Variants in NBEA observed in about 807,000 individuals in gnomAD.
The protein encoded by NBEA is lysosomal-trafficking regulator 2.
Under a neutral mutation model 343.4 loss-of-function variants are expected in NBEA, and 44 were observed. The ratio of observed to expected loss-of-function variants is 0.13; its 90% CI spans 0.10 to 0.16. The LOEUF (loss-of-function observed/expected upper bound fraction) is 0.16. Among genes scored for constraint, NBEA ranks in the 10% least tolerant of loss-of-function variants. The pLI is 1.00. For missense variants in NBEA, 2,555 were observed against 3,631.3 expected (o/e 0.70, Z 7.62); for synonymous variants, 1,175 against 1,238.7 (o/e 0.95, Z 1.08).
chr13:35,562,550 A>T (rs1396341867), intron 44 of NBEA, among the ~76,000 whole-genome samples: 2 of 151,838 alleles, frequency 1.3e-5, no homozygotes, highest in Non-Finnish European at 2.9e-5. Context: ...TCCAACCCCA[A>T]CCTTTTTCTC....
intron 41 of NBEA, among the ~76,000 whole-genome samples, chr13:35,515,021 T>G (rs2152988875): frequency 6.6e-6 from 1 of 152,354 alleles, no homozygotes; most frequent in Middle Eastern, 3.4e-3. Flanking sequence ...AAGATGTCAC[T>G]GACAATAATC....
Position 35,155,854 on chromosome 13 carries a change from A to T in NBEA, c.2526A>T (p.Pro842=). ...EPDSTVKIQN[P]MILKVVATLL... is the part of the protein sequence containing the mutation. ...ATTCTACAGTGAAAATTCAGAATCC[A>T]AGTGAGCAAATGGCAGTTCTTTACT... Residue 842 remains proline, a splice_region_variant and synonymous_variant, in exon 19 of 59, where the codon CCA becomes CCT. Transcript: ENST00000379939. 6.2e-7 allele frequency: 1 copy of T among 1,609,416 alleles called. No homozygotes were observed.
chr13:35,311,596 G>A (rs1217517428), intron 36 of NBEA, among the ~76,000 whole-genome samples: 1 of 152,156 alleles, frequency 6.6e-6, no homozygotes, highest in Non-Finnish European at 1.5e-5. Context: ...GCTCACGCCT[G>A]TAATCCCAGC....
chr13:35,301,519 C>T lies in NBEA; in HGVS notation c.5839-8009C>T, dbSNP rs146952030. 4.0e-3 allele frequency among the ~76,000 whole-genome samples: 615 copies of T among 152,170 alleles called. 4 individuals carry two copies. The highest frequency in any genetic ancestry group is 0.014 in the African/African-American group (595 of 41,530). On this transcript the variant is annotated intron_variant, in intron 35 of 58. Transcript: ENST00000379939. ...CATGTTGCTGCAAAGGACGTGAACT[C>T]GTTCTTTTTTATGGCTGCATAGTAT...
chr13:35,297,871 A>G (rs2036239987), intron 35 of NBEA, among the ~76,000 whole-genome samples: 1 of 151,858 alleles, frequency 6.6e-6, no homozygotes, highest in Non-Finnish European at 1.5e-5. Flanking sequence ...TGCCATTTTT[A>G]CCATTTTAAG....
intron 1 of NBEA, among the ~76,000 whole-genome samples, chr13:35,017,410 G>A (rs1420309082): frequency 1.3e-5 from 2 of 152,128 alleles, no homozygotes; most frequent in South Asian, 2.1e-4. Context: ...TAAAGTGGCT[G>A]TGTCACTTTG....
intron 22 of NBEA, among the ~76,000 whole-genome samples, chr13:35,161,310 G>T (rs1047400766): frequency 1.3e-5 from 2 of 152,190 alleles, no homozygotes; most frequent in Admixed American, 1.3e-4. Flanking sequence ...AAGTGAAACA[G>T]ACTTCAAAGT....
At chr13:35,590,098 A>T (rs1671828786) in intron 46 of NBEA, among the ~76,000 whole-genome samples, 1 of 152,126 alleles carries the variant, frequency 6.6e-6, no homozygotes, top group African/African-American at 2.4e-5. Context: ...GGTAGTAGGC[A>T]AATAAATATA....
Position 35,048,691 on chromosome 13 carries a change from A to G in NBEA, c.845+7A>G. 7.9e-7 allele frequency: 1 copy of G among 1,266,208 alleles called. No individual in the cohort carries two copies. The highest frequency in any genetic ancestry group is 1.1e-6 in the Non-Finnish European group (1 of 900,694). The allele number at this position is 1,266,208 out of a possible 1,614,324, so 78.4% of individuals were successfully genotyped here. ...ATAAACCTTATCTTTATTGGTAAGT[A>G]ATATGTTTAATTTTAGTACTTTTTT... is the stretch of plus-strand genomic sequence containing the variant. On this transcript the variant is annotated splice_region_variant and intron_variant, in intron 5 of 58. Coordinates refer to ENST00000379939, the MANE Select transcript of NBEA (RefSeq NM_001385012.1).
At chr13:34,962,503 A>G (rs1246162981) in intron 1 of NBEA, among the ~76,000 whole-genome samples, 1 of 152,136 alleles carries the variant, frequency 6.6e-6, no homozygotes, top group Non-Finnish European at 1.5e-5. Flanking sequence ...CAAATTTAAA[A>G]TACATTTTAT....
In NBEA at chr13:35,334,837, G is replaced by A. The variant is rs530073683; in HGVS notation, c.5904-14271G>A. 3.3e-5 allele frequency among the ~76,000 whole-genome samples: 5 copies of A among 152,198 alleles called. No individual in the cohort carries two copies. The South Asian group carries it at 8.3e-4, about 25-fold the overall frequency. ...CACTTTGTTGACTGTTTCCTTCGTT[G>A]TGAAGAAGTTTTTTAACTTGATGTG... On this transcript the variant is annotated intron_variant, in intron 36 of 58. Coordinates refer to ENST00000379939, the MANE Select transcript of NBEA (RefSeq NM_001385012.1).
chr13:35,408,674 C>CA (rs1243215749), intron 38 of NBEA, among the ~76,000 whole-genome samples: 1 of 7,606 alleles, frequency 1.3e-4, no homozygotes, highest in Non-Finnish European at 1.2e-3. Context: ...ACAAACAACC[C>CA]AATTAAAAAT....
chr13:35,593,195 T>G, intron 46 of NBEA, 133 bp from the exon 47 acceptor site: 1 of 924,574 alleles, frequency 1.1e-6, no homozygotes, highest in Non-Finnish European at 1.5e-6. Flanking sequence ...ACTGCCTTAA[T>G]TTGGGGGCAT....
At chr13:35,223,390 G>T (rs893489699) in intron 33 of NBEA, among the ~76,000 whole-genome samples, 2 of 152,024 alleles carry the variant, frequency 1.3e-5, no homozygotes, top group Admixed American at 6.6e-5. Context: ...TTTTTCTAAA[G>T]AATTTTTTGG....
At chr13:35,140,679 T>A (rs564254023) in intron 17 of NBEA, among the ~76,000 whole-genome samples, 1 of 152,182 alleles carries the variant, frequency 6.6e-6, no homozygotes, top group African/African-American at 2.4e-5. Flanking sequence ...TCTTTTGTTA[T>A]GGAGTGTGGC....
intron 33 of NBEA, among the ~76,000 whole-genome samples, chr13:35,217,679 C>G (rs947567399): frequency 2.0e-5 from 3 of 151,922 alleles, no homozygotes; most frequent in Non-Finnish European, 4.4e-5. Flanking sequence ...TTTAGAGAGG[C>G]CTCTCTTCTT....
intron 38 of NBEA, among the ~76,000 whole-genome samples, chr13:35,398,924 C>T (rs1172111217): frequency 1.3e-5 from 2 of 152,086 alleles, no homozygotes; most frequent in African/African-American, 4.8e-5. Context: ...ACATTTTCTC[C>T]CTATATAAGG....
intron 34 of NBEA, among the ~76,000 whole-genome samples, chr13:35,280,941 A>C (rs1232108535): frequency 1.3e-5 from 2 of 152,086 alleles, no homozygotes; most frequent in African/African-American, 4.8e-5. Context: ...ATTTTACACT[A>C]GAAGTGTTTT....
At chr13:35,366,755 A>G (rs1219107740) in intron 38 of NBEA, among the ~76,000 whole-genome samples, 1 of 151,270 alleles carries the variant, frequency 6.6e-6, no homozygotes, top group Non-Finnish European at 1.5e-5. Flanking sequence ...TTAACACATC[A>G]CACTAGGAAA....
Sources: gnomAD v4.1 joint callset for allele counts (sites outside exome capture counted in the v4.1 genomes callset) on GRCh38, gnomAD v4.1.1 for gene constraint, MANE v1.5 for transcripts, NCBI Gene and HGNC (gene_info 2026-07-23, HGNC 2026-07-21) for gene names.